The following FN1 variants were observed in gnomAD, a reference collection of about 807,000 sequenced individuals.
FN1 encodes the protein fibronectin 1, also known as fibronectin.
FN1 carries 106 observed loss-of-function variants against 297.3 expected under a neutral mutation model. The ratio of observed to expected loss-of-function variants is 0.36; its 90% CI spans 0.30 to 0.42. FN1 has a LOEUF of 0.42. Among genes scored for constraint, FN1 ranks in the 10% least tolerant of loss-of-function variants. FN1 has a pLI of 1.00. For missense variants in FN1, 2,690 were observed against 3,124.9 expected (o/e 0.86, Z 3.32); for synonymous variants, 1,149 against 1,152.6 (o/e 1.00, Z 0.06).
intron 17 of FN1, 141 bp downstream of exon 17, chr2:215,407,966 AC>A: frequency 6.5e-6 from 4 of 618,836 alleles, no homozygotes; most frequent in Admixed American, 4.5e-5. Context: ...ACACACACAC[AC>A]ACACACACAC....
chr2:215,383,171 A>C (rs573882935), intron 31 of FN1, among the ~76,000 whole-genome samples, 157 bp downstream of exon 31: 1 of 151,986 alleles, frequency 6.6e-6, no homozygotes, highest in East Asian at 1.9e-4. Flanking sequence ...TGCCCAGCTA[A>C]TTTTTTTGTA....
In FN1 at chr2:215,404,391, G is replaced by C; in HGVS notation, c.3251C>G (p.Thr1084Arg). The C allele has an allele frequency of 6.2e-7, 1 of 1,613,634 alleles. No homozygotes were observed. Residue 1084 changes from threonine (T) to arginine (R), a missense_variant and splice_region_variant, in exon 20 of 46, where the codon ACA (threonine) becomes AGA (arginine). Around this residue, in one of 3 missense-constraint regions of FN1, gnomAD observed 1,743 missense variants for 1,945.2 expected, o/e 0.90. Transcript: ENST00000354785. ...ESPKATGVFTTLQPGSSIPPY... is the reference protein window; with the variant it reads ...ESPKATGVFTRLQPGSSIPPY... Reference sequence around the variant, plus strand: ...AAGGCACTTAATTTTCAGCTTACGTGTGGTAAAGACTCCAGTGGCTTTGGG... The same window carrying C: ...AAGGCACTTAATTTTCAGCTTACGTCTGGTAAAGACTCCAGTGGCTTTGGG...
At chr2:215,403,116 A>AAT (rs2061350280) in intron 20 of FN1, among the ~76,000 whole-genome samples, 1 of 152,332 alleles carries the variant, frequency 6.6e-6, no homozygotes, top group South Asian at 2.1e-4. Context: ...ATTTACAAGA[A>AAT]ATATAAAGAC....
At position 215,365,046 on chromosome 2, in the gene FN1, TA is replaced by T. The variant is rs138509477; in HGVS notation, c.7145-62del. 2.7e-3 allele frequency: 2,876 copies of T among 1,073,130 alleles called. 25 individuals carry two copies. The highest frequency in any genetic ancestry group is 0.017 in the South Asian group (1,242 of 74,368). 66.5% of individuals were successfully genotyped at this position (1,073,130 alleles called of 1,614,324 possible). On this transcript the variant is annotated intron_variant, in intron 43 of 45. Coordinates refer to ENST00000354785, the MANE Select transcript of FN1 (RefSeq NM_212482.4). ...TGAGAACAATACTGCAGACTTGATC[TA>T]GGGGTGGGTTCTATTTCTGTCCTAA...
intron 19 of FN1, among the ~76,000 whole-genome samples, chr2:215,405,405 C>CT (rs1294130092): frequency 2.0e-5 from 3 of 152,152 alleles, no homozygotes; most frequent in Non-Finnish European, 4.4e-5. Context: ...AGTTGCAGAA[C>CT]TTTTTTAAAG....
rs554773823 is a variant in FN1, at chr2:215,419,376, T to G, written c.1685A>C (p.Gln562Pro). The stretch of plus-strand genomic sequence containing the variant: ...ATAAAACGTCCCAGTCTCTGAATCC[T>G]GGCATTGGTCTAAAATACATGGAAG... ...RWKCDPVDQC[Q>P]DSETGTFYQI... is the part of the protein sequence containing the mutation. The change falls in exon 12 of 46, where the codon CAG becomes CCG. Residue 562 changes from glutamine (Q) to proline (P), a missense_variant. Physicochemically the swap from Gln to Pro is moderately conservative, Grantham distance 76 (BLOSUM62 -1). Coordinates refer to ENST00000354785, the MANE Select transcript of FN1 (RefSeq NM_212482.4). 3 of 1,613,192 alleles carry G rather than the reference T, an allele frequency of 1.9e-6. No individual in the cohort carries two copies. The African/African-American group carries it at 4.0e-5, about 21-fold the overall frequency.
rs771259569 is a variant in FN1 at position 215,404,371 on chromosome 2, A to C, written c.3253+18T>G. ...AATGTAAATATAGTTAAGAAAAGGC[A>C]CTTAATTTTCAGCTTACGTGTGGTA... On this transcript the variant is annotated intron_variant, in intron 20 of 45. Transcript: ENST00000354785. 4 of 1,612,700 alleles carry C rather than the reference A, an allele frequency of 2.5e-6. No individual in the cohort carries two copies. Among genetic ancestry groups the C allele is most frequent in the Non-Finnish European group, 3.4e-6 (4 of 1,178,842 alleles).
At chr2:215,371,744 C>T in intron 40 of FN1, 165 bp downstream of exon 40, 1 of 626,180 alleles carries the variant, frequency 1.6e-6, no homozygotes, top group Non-Finnish European at 2.9e-6. Context: ...AACTCCTAAC[C>T]TCAAATGATC....
intron 44 of FN1, among the ~76,000 whole-genome samples, chr2:215,363,956 C>T (rs2054024659): frequency 6.6e-6 from 1 of 152,174 alleles, no homozygotes; most frequent in South Asian, 2.1e-4. Context: ...GTTGGCTCAC[C>T]AAAGCCCACC....
chr2:215,400,017 G>C (rs1273156981), intron 20 of FN1, among the ~76,000 whole-genome samples: 3 of 151,902 alleles, frequency 2.0e-5, no homozygotes, highest in Admixed American at 1.3e-4. Context: ...GTGAAACCCT[G>C]TCTCTATTAA....
intron 43 of FN1, 21 bp from the exon 44 acceptor site, chr2:215,365,006 G>C (rs1261696412): frequency 2.1e-6 from 3 of 1,444,018 alleles, no homozygotes; most frequent in Non-Finnish European, 2.9e-6. Context: ...ACACAAGACA[G>C]ATGCACGCAT....
chr2:215,394,746 T>C (rs371903991), intron 23 of FN1, 27 bp from the exon 24 acceptor site: 17 of 1,566,622 alleles, frequency 1.1e-5, no homozygotes, highest in Non-Finnish European at 1.2e-5. Flanking sequence ...AGGGAAGTTA[T>C]TGCACAGAGG....
At chr2:215,397,598 A>G in intron 22 of FN1, 82 bp downstream of exon 22, 1 of 1,172,886 alleles carries the variant, frequency 8.5e-7, no homozygotes, top group Non-Finnish European at 1.3e-6. Flanking sequence ...TCTCATAAGT[A>G]AAAAGTGATA....
At chr2:215,366,277 G>A (rs991137516) in intron 42 of FN1, among the ~76,000 whole-genome samples, 9 of 152,060 alleles carry the variant, frequency 5.9e-5, no homozygotes, top group Non-Finnish European at 1.3e-4. Flanking sequence ...ATTTAAAATT[G>A]TGGAAAACTA....
chr2:215,432,080 C>T, intron 3 of FN1, 116 bp from the exon 4 acceptor site: 1 of 1,206,102 alleles, frequency 8.3e-7, no homozygotes, highest in Non-Finnish European at 1.2e-6. Flanking sequence ...CAGACAACAG[C>T]TTTCCCATCA....
At chr2:215,381,922 A>G (rs980109198) in intron 32 of FN1, 2 of 388,202 alleles carry the variant, frequency 5.2e-6, no homozygotes, top group East Asian at 1.2e-4. Flanking sequence ...GTCTAGGAAA[A>G]TTTTTTGTAG....
chr2:215,368,056 A>C (rs748408084), intron 41 of FN1, 29 bp from the exon 42 acceptor site: 26 of 1,612,178 alleles, frequency 1.6e-5, no homozygotes, highest in Non-Finnish European at 2.2e-5. Context: ...AAAAGCAAAA[A>C]GAGACATCTT....
At chr2:215,404,806 G>A (rs756469165) in intron 19 of FN1, 151 bp from the exon 20 acceptor site, 187 of 739,306 alleles carry the variant, frequency 2.5e-4, no homozygotes, top group Non-Finnish European at 3.5e-4. Flanking sequence ...GCCAGTAAGA[G>A]ATTGAGTGCT....
intron 7 of FN1, among the ~76,000 whole-genome samples, 167 bp downstream of exon 7, chr2:215,424,927 A>G (rs762581844): frequency 7.9e-5 from 12 of 152,254 alleles, no homozygotes; most frequent in Non-Finnish European, 1.3e-4. Context: ...TACATAAATT[A>G]AAAAGATTGG....
Sources: allele counts gnomAD v4.1 joint callset (sites outside exome capture counted in the v4.1 genomes callset), GRCh38; gene constraint gnomAD v4.1.1; regional missense constraint gnomAD v4.1.1; transcripts MANE v1.5; gene names NCBI Gene and HGNC (gene_info 2026-07-23, HGNC 2026-07-21).